Variants in VEGFD observed in about 807,000 individuals in gnomAD.
The protein encoded by VEGFD is c-fos induced growth factor (vascular endothelial growth factor D).
Under a neutral mutation model 28.0 loss-of-function variants are expected in VEGFD, and 26 were observed. That is an observed-to-expected ratio of 0.93 (90% confidence interval 0.68 to 1.29). The LOEUF (loss-of-function observed/expected upper bound fraction) is 1.29, where lower values mean the gene tolerates loss of function less well. VEGFD is among the 50% of genes most tolerant of loss of function. The pLI, the probability that VEGFD is intolerant of heterozygous loss-of-function variation, is 0.00. For missense variants in VEGFD, 294 were observed against 273.4 expected, an observed-to-expected ratio of 1.08 and a Z score of -0.53; for synonymous variants, 93 against 95.5, an observed-to-expected ratio of 0.97 and a Z score of 0.15.
At chrX:15,382,798 T>C (rs1421207324) in intron 1 of VEGFD, among the ~76,000 whole-genome samples, 1 of 111,381 alleles carries the variant, frequency 9.0e-6, no homozygotes, top group Non-Finnish European at 1.9e-5. Flanking sequence ...TCCAGCTCAG[T>C]GTTCAACATT....
intron 1 of VEGFD, among the ~76,000 whole-genome samples, chrX:15,382,319 C>CAAATAAATAAATAAATAAATAAATAAAT (rs774994295): frequency 4.2e-5 from 4 of 95,438 alleles, no homozygotes; most frequent in Admixed American, 2.3e-4. Context: ...GACTCCGTCT[C>CAAATAAATAAATAAATAAATAAATAAAT]AAATAAATAA....
At chrX:15,365,340 G>A (rs186357099) in intron 1 of VEGFD, among the ~76,000 whole-genome samples, 25 of 111,307 alleles carry the variant, frequency 2.2e-4, no homozygotes, top group East Asian at 2.8e-4. Context: ...GCCATGTTGC[G>A]CAGGCTGGTC....
At chrX:15,379,168 T>C (rs1353301499) in intron 1 of VEGFD, among the ~76,000 whole-genome samples, 2 of 111,871 alleles carry the variant, frequency 1.8e-5, no homozygotes, top group African/African-American at 6.5e-5. Context: ...CCTGACATGT[T>C]ACACATTTGC....
chrX:15,367,986 AAAAGAAAG>A (rs199761765), intron 1 of VEGFD, among the ~76,000 whole-genome samples: 1,869 of 66,619 alleles, frequency 0.028, 44 homozygotes, highest in Middle Eastern at 0.043. Context: ...AAGAAAAAGA[AAAAGAAAG>A]AAAGAAAGAA....
At chrX:15,360,958 T>C (rs748652789) in intron 2 of VEGFD, among the ~76,000 whole-genome samples, 4 of 112,583 alleles carry the variant, frequency 3.6e-5, no homozygotes, top group South Asian at 7.3e-4. Flanking sequence ...AACTCTACTA[T>C]TCTTTACTGC....
intron 1 of VEGFD, among the ~76,000 whole-genome samples, chrX:15,369,716 A>G (rs1805825313): frequency 8.9e-6 from 1 of 111,743 alleles, no homozygotes; most frequent in East Asian, 2.8e-4. Flanking sequence ...TGGAGGGTTC[A>G]TTGCAAAGGG....
At chrX:15,350,386 G>C (rs1922658937) in intron 5 of VEGFD, among the ~76,000 whole-genome samples, 1 of 112,241 alleles carries the variant, frequency 8.9e-6, no homozygotes, top group African/African-American at 3.2e-5. Context: ...GCCTTCCCAA[G>C]AATTATCTCC....
intron 1 of VEGFD, among the ~76,000 whole-genome samples, chrX:15,381,817 G>A (rs1005335446): frequency 3.2e-5 from 2 of 62,141 alleles, no homozygotes; most frequent in Non-Finnish European, 5.8e-5. Flanking sequence ...GAGGGGTAGG[G>A]TGGATATAAG....
At chrX:15,346,351 A>C in intron 6 of VEGFD, 92 bp from the exon 7 acceptor site, 1 of 995,031 alleles carries the variant, frequency 1.0e-6, no homozygotes, top group Non-Finnish European at 1.4e-6. Context: ...TTTTCCAGAC[A>C]TGTATTTAAA....
chrX:15,373,658 T>C (rs1311170632), intron 1 of VEGFD, among the ~76,000 whole-genome samples: 2 of 111,663 alleles, frequency 1.8e-5, no homozygotes, highest in Non-Finnish European at 3.8e-5. Flanking sequence ...GGGGGCGTGG[T>C]TCTCTTCTTA....
intron 5 of VEGFD, among the ~76,000 whole-genome samples, chrX:15,352,320 C>T (rs760849227): frequency 1.0e-5 from 1 of 100,484 alleles, no homozygotes. Context: ...TTTTTTCTTT[C>T]TTTTTTTTTT....
chrX:15,378,545 A>C (rs1475684339), intron 1 of VEGFD, among the ~76,000 whole-genome samples: 2 of 111,829 alleles, frequency 1.8e-5, no homozygotes, highest in African/African-American at 6.5e-5. Flanking sequence ...TGCAGTAAAC[A>C]AGACAATTAA....
At chrX:15,379,620 A>G (rs958404425) in intron 1 of VEGFD, among the ~76,000 whole-genome samples, 1 of 112,095 alleles carries the variant, frequency 8.9e-6, no homozygotes, top group African/African-American at 3.2e-5. Context: ...TCCCAATTAT[A>G]TACAGTTTCC....
intron 2 of VEGFD, among the ~76,000 whole-genome samples, chrX:15,360,676 T>C (rs1230989506): frequency 1.8e-5 from 2 of 112,130 alleles, no homozygotes; most frequent in African/African-American, 6.5e-5. Flanking sequence ...TATTAATATT[T>C]ATATAAAAAG....
intron 1 of VEGFD, among the ~76,000 whole-genome samples, chrX:15,370,436 C>T (rs1028028297): frequency 1.2e-4 from 14 of 112,045 alleles, no homozygotes; most frequent in African/African-American, 3.2e-4. Context: ...ATAAATGCCA[C>T]TTCTTCCATC....
At chrX:15,373,596 C>T (rs1923364455) in intron 1 of VEGFD, among the ~76,000 whole-genome samples, 2 of 111,655 alleles carry the variant, frequency 1.8e-5, no homozygotes, top group Admixed American at 1.9e-4. Flanking sequence ...GGAAGGGACA[C>T]ATTTTACACA....
At chrX:15,376,835 T>C (rs1923451006) in intron 1 of VEGFD, among the ~76,000 whole-genome samples, 1 of 112,015 alleles carries the variant, frequency 8.9e-6, no homozygotes, top group African/African-American at 3.2e-5. Context: ...GGTGTTTTTT[T>C]TAGCATATTC....
At position 15,353,105 on chromosome X, in the gene VEGFD, A is replaced by G; in HGVS notation, c.705T>C (p.Cys235=). Residue 235 remains cysteine, a synonymous_variant, in exon 5 of 7, where the codon TGT becomes TGC. Coordinates refer to ENST00000297904, the MANE Select transcript of VEGFD (RefSeq NM_004469.5). ...CAAGTGGATTTTCCTCCTGCAAAAC[A>G]CATTTACATTTGTTGCTATCCCATA... ...DMLWDSNKCK[C]VLQEENPLAG... 1 of 1,188,226 alleles carries G rather than the reference A, an allele frequency of 8.4e-7. No individual in the cohort carries two copies. Among genetic ancestry groups the G allele is most frequent in the East Asian group, 3.1e-5 (1 of 32,539 alleles).
chrX:15,351,330 A>G (rs1292295122), intron 5 of VEGFD, among the ~76,000 whole-genome samples: 10 of 105,006 alleles, frequency 9.5e-5, no homozygotes, highest in Admixed American at 3.1e-4. Flanking sequence ...CGTTTTAGCC[A>G]GGATGGTCTC....
Sources: allele counts gnomAD v4.1 joint callset (sites outside exome capture counted in the v4.1 genomes callset), GRCh38; gene constraint gnomAD v4.1.1; transcripts MANE v1.5; gene names NCBI Gene and HGNC (gene_info 2026-07-23, HGNC 2026-07-21).